Variants in HYOU1 observed in about 807,000 individuals in gnomAD.
HYOU1 encodes hypoxia up-regulated 1.
A neutral mutation model predicts 120.5 loss-of-function variants in HYOU1; 40 were observed. That is an observed-to-expected ratio of 0.33 (90% confidence interval 0.26 to 0.43). HYOU1 has a LOEUF of 0.43. Ranked by LOEUF, HYOU1 falls within the 20% of genes least tolerant of loss-of-function variation. The pLI is 1.00. For synonymous variants in HYOU1, 501 were observed against 479.4 expected (o/e 1.05, Z -0.59); for missense variants, 1,085 against 1,278.3 (o/e 0.85, Z 2.31).
chr11:119,049,582 T>C lies in HYOU1; in HGVS notation c.1780A>G (p.Lys594Glu). 6.2e-7 allele frequency: 1 copy of C among 1,614,124 alleles called. No individual in the cohort carries two copies. Among genetic ancestry groups the C allele is most frequent in the South Asian group, 1.1e-5 (1 of 91,082 alleles). ...TGGACAGTATCAGTACCATTCTCCT[T>C]GGCATCTGGTGTGGTACCGCCTCCA... ...LFGGGTTPDAKENGTDTVQEE... is the reference protein window; with the variant it reads ...LFGGGTTPDAEENGTDTVQEE... The change falls in exon 16 of 26, where the codon AAG (lysine) becomes GAG (glutamate). Residue 594 changes from lysine (K) to glutamate (E), a missense_variant. Physicochemically the swap from Lys to Glu is moderately conservative, Grantham distance 56 (BLOSUM62 1). This residue lies in a region of HYOU1 where 516 missense variants were observed against 517.1 expected (regional missense o/e 1.00). Transcript: ENST00000617285.
At position 119,048,610 on chromosome 11, in the gene HYOU1, A is replaced by C; in HGVS notation, c.2166-47T>G. On this transcript the variant is annotated intron_variant, in intron 18 of 25. Transcript: ENST00000617285. The surrounding 1 kb of genome is among the most constrained non-coding windows in gnomAD (Gnocchi z 4.7). ...GGGATGAGGGAGAGGGCAAGTGAGAACTTGAGACTCTGGGTCCGACAGCCC... is the reference window on the plus strand; with the variant it reads ...GGGATGAGGGAGAGGGCAAGTGAGACCTTGAGACTCTGGGTCCGACAGCCC... 1.9e-6 allele frequency: 3 copies of C among 1,610,534 alleles called. No individual in the cohort carries two copies. The highest frequency in any genetic ancestry group is 2.5e-6 in the Non-Finnish European group (3 of 1,177,690).
chr11:119,045,953 G>A (rs968607001), intron 24 of HYOU1, 122 bp from the exon 25 acceptor site: 12 of 952,870 alleles, frequency 1.3e-5, no homozygotes, highest in African/African-American at 5.0e-5. Flanking sequence ...ACCACATTTG[G>A]TCTCTTTGCC....
At position 119,045,382 on chromosome 11, in the gene HYOU1, G is replaced by T. The variant is rs1366006343; in HGVS notation, c.*211C>A. ...GGGAACAGGGAGTGGGGCTGGGGAG[G>T]AGAACAGTTTCCATTTTTAACCACA... On this transcript the variant is annotated 3_prime_UTR_variant, in exon 26 of 26. Coordinates refer to ENST00000617285, the MANE Select transcript of HYOU1 (RefSeq NM_006389.5). The T allele has an allele frequency of 8.6e-6, 6 of 694,930 alleles. No individual in the cohort carries two copies. The highest frequency in any genetic ancestry group is 1.8e-5 in the African/African-American group (1 of 57,112). The allele number at this position is 694,930 out of a possible 1,614,324, so 43.0% of individuals were successfully genotyped here.
Position 119,050,719 on chromosome 11 carries a change from CCAAAAAAAAAAAAAAAAAAAAAA to C in HYOU1, c.1665+293_1665+315del, listed in dbSNP as rs1273232997. Among the ~76,000 whole-genome samples, 25 of 52,872 alleles carry C rather than the reference CCAAAAAAAAAAAAAAAAAAAAAA, an allele frequency of 4.7e-4. No individual in the cohort carries two copies. In the South Asian group the frequency reaches 9.6e-3, roughly 20 times the overall value. 34.7% of individuals were successfully genotyped at this position (52,872 alleles called of 152,430 possible). Reference sequence around the variant, plus strand: ...TTAAGTAACAGAGCCAAGACCCTCTCCAAAAAAAAAAAAAAAAAAAAAAAAAAAAAAAAAAAAAGAGTGGATTC... The same window carrying C: ...TTAAGTAACAGAGCCAAGACCCTCTCAAAAAAAAAAAAAAAGAGTGGATTC... On this transcript the variant is annotated intron_variant, in intron 14 of 25. Coordinates refer to ENST00000617285, the MANE Select transcript of HYOU1 (RefSeq NM_006389.5).
rs1944426858 is a variant in HYOU1 at position 119,051,377 on chromosome 11, A to C, written c.1526+61T>G. 1 of 1,571,656 alleles carries C rather than the reference A, an allele frequency of 6.4e-7. No homozygotes were observed. Among genetic ancestry groups the C allele is most frequent in the South Asian group, 1.1e-5 (1 of 88,362 alleles). ...ATCCTCCCTCACCCCCAGTCCTCAG[A>C]TTATCCAGCAGCCACGCCTCCCCCT... On this transcript the variant is annotated intron_variant, in intron 13 of 25. Transcript: ENST00000617285. This position sits in a 1 kb window ranked among gnomAD's most constrained non-coding sequence, Gnocchi z 4.2.
Position 119,055,744 on chromosome 11 carries a change from C to T in HYOU1, c.185+6G>A. 1.2e-6 allele frequency: 2 copies of T among 1,612,218 alleles called. No individual in the cohort carries two copies. Among genetic ancestry groups the T allele is most frequent in the East Asian group, 4.5e-5 (2 of 44,884 alleles). On this transcript the variant is annotated splice_donor_region_variant and intron_variant, in intron 3 of 25. Coordinates refer to ENST00000617285, the MANE Select transcript of HYOU1 (RefSeq NM_006389.5). The surrounding 1 kb of genome is among the most constrained non-coding windows in gnomAD (Gnocchi z 4.0). The stretch of plus-strand genomic sequence containing the variant: ...TCCCCACCCTTAACACGGGGGCCAC[C>T]CTCACTTATTCAAGACAATTTCCAT...
At position 119,047,965 on chromosome 11, in the gene HYOU1, T is replaced by C. The variant is rs1403140386; in HGVS notation, c.2492A>G (p.His831Arg). The C allele has an allele frequency of 6.2e-7, 1 of 1,614,042 alleles. No individual in the cohort carries two copies. The highest frequency in any genetic ancestry group is 1.3e-5 in the African/African-American group (1 of 74,908). ...TGCTCACTTGAGGAACATGCTGGAA[T>C]GGTTGAGGAGATTATCGAGGGCAGA... ...RLSALDNLLNHSSMFLKGARL... is the reference protein window; with the variant it reads ...RLSALDNLLNRSSMFLKGARL... The change falls in exon 21 of 26, where the codon CAT (histidine) becomes CGT (arginine). Residue 831 changes from histidine to arginine, a missense_variant. By Grantham distance (29) the His-to-Arg change is conservative (BLOSUM62 0). Coordinates refer to ENST00000617285, the MANE Select transcript of HYOU1 (RefSeq NM_006389.5).
At chr11:119,049,675 A>AC (rs2133574785) in intron 15 of HYOU1, 40 bp from the exon 16 acceptor site, 1 of 1,608,946 alleles carries the variant, frequency 6.2e-7, no homozygotes. Context: ...AGGAGACCAC[A>AC]GCAGTGACTC....
chr11:119,056,167 C>T lies in HYOU1; in HGVS notation c.-7G>A. 1 of 1,611,484 alleles carries T rather than the reference C, an allele frequency of 6.2e-7. No individual in the cohort carries two copies. Among genetic ancestry groups the T allele is most frequent in the South Asian group, 1.1e-5 (1 of 91,036 alleles). On this transcript the variant is annotated splice_region_variant and 5_prime_UTR_variant, in exon 2 of 26. Coordinates refer to ENST00000617285, the MANE Select transcript of HYOU1 (RefSeq NM_006389.5). ...TCCTAACTTTGTCTGCCATAGTGCC[C>T]CTGGGGGAGGCGAAGAAAGAAAACA... is the stretch of plus-strand genomic sequence containing the variant.
chr11:119,054,266 G>A (rs999031653), intron 7 of HYOU1, 30 bp from the exon 8 acceptor site: 2 of 1,561,674 alleles, frequency 1.3e-6, no homozygotes, highest in East Asian at 2.2e-5. Flanking sequence ...ACTGTCACAG[G>A]AACCTTCTCA....
In HYOU1 at chr11:119,044,367, A is replaced by G. The variant is rs1943953154; in HGVS notation, c.*1226T>C. The G allele has an allele frequency of 6.6e-6, 1 of 151,742 alleles. No individual in the cohort carries two copies. The highest frequency in any genetic ancestry group is 2.4e-5 in the African/African-American group (1 of 41,284). The allele number at this position is 151,742 out of a possible 1,614,324, so 9.4% of individuals were successfully genotyped here. ...CCCATCTCTGCCAATGTGGCAAAAA[A>G]AAAAAAAAAAGGAAAAGACAAAATG... On this transcript the variant is annotated 3_prime_UTR_variant, in exon 26 of 26. Coordinates refer to ENST00000617285, the MANE Select transcript of HYOU1 (RefSeq NM_006389.5).
In HYOU1 at chr11:119,052,436, G is replaced by A. The variant is rs2133592908; in HGVS notation, c.988-7C>T. The A allele has an allele frequency of 1.2e-6, 2 of 1,614,174 alleles. No individual in the cohort carries two copies. The highest frequency in any genetic ancestry group is 1.7e-6 in the Non-Finnish European group (2 of 1,180,026). ...CATCCATCAGGCCTTCAATCTGGGA[G>A]AGGATGGGGACTGTCAGGGGGTTCT... On this transcript the variant is annotated splice_region_variant and splice_polypyrimidine_tract_variant and intron_variant, in intron 9 of 25. Coordinates refer to ENST00000617285, the MANE Select transcript of HYOU1 (RefSeq NM_006389.5). This position sits in a 1 kb window ranked among gnomAD's most constrained non-coding sequence, Gnocchi z 5.0.
Position 119,051,518 on chromosome 11 carries a change from G to A in HYOU1, c.1446C>T (p.Ile482=), listed in dbSNP as rs2134694653. ...RMGPYPQRKV[I]TFNRYSHDFN... ...AATCATGGCTGTAGCGGTTAAAGGTGATGACTTTGCGTTGAGGGTAGGGCC... is the reference window on the plus strand; with the variant it reads ...AATCATGGCTGTAGCGGTTAAAGGTAATGACTTTGCGTTGAGGGTAGGGCC... Residue 482 remains isoleucine, a synonymous_variant, in exon 13 of 26, where the codon ATC becomes ATT. Coordinates refer to ENST00000617285, the MANE Select transcript of HYOU1 (RefSeq NM_006389.5). This position sits in a 1 kb window ranked among gnomAD's most constrained non-coding sequence, Gnocchi z 4.2. The A allele has an allele frequency of 1.2e-6, 2 of 1,614,144 alleles. No homozygotes were observed. Among genetic ancestry groups the A allele is most frequent in the Non-Finnish European group, 1.7e-6 (2 of 1,180,014 alleles).
At chr11:119,049,391 C>G in intron 16 of HYOU1, 165 bp downstream of exon 16, 1 of 1,564,966 alleles carries the variant, frequency 6.4e-7, no homozygotes, top group Non-Finnish European at 8.6e-7. Context: ...GGGAATGGGC[C>G]TTGGGAGCAC....
At chr11:119,047,497 A>C in intron 22 of HYOU1, 1 of 486,802 alleles carries the variant, frequency 2.1e-6, no homozygotes, top group Non-Finnish European at 3.7e-6. Flanking sequence ...CAGCCCCTCA[A>C]AGCAGCTTTC....
In HYOU1 at chr11:119,049,167, C is replaced by T. The variant is rs2133570095; in HGVS notation, c.1843G>A (p.Glu615Lys). 5.6e-6 allele frequency: 9 copies of T among 1,609,856 alleles called. No individual in the cohort carries two copies. Among genetic ancestry groups the T allele is most frequent in the African/African-American group, 5.3e-5 (4 of 74,856 alleles). The change falls in exon 17 of 26, where the codon GAG (glutamate) becomes AAG (lysine). Residue 615 changes from glutamate to lysine, a missense_variant. This residue lies in a region of HYOU1 where 516 missense variants were observed against 517.1 expected (regional missense o/e 1.00). Coordinates refer to ENST00000617285, the MANE Select transcript of HYOU1 (RefSeq NM_006389.5). ...TTGAGCTCCACCTGCTCCCCAGGCT[C>T]GTCCTTGCTCCCCTCTGCAGGGCTC... Reference protein sequence around the residue: ...EESPAEGSKDEPGEQVELKEE... With the variant: ...EESPAEGSKDKPGEQVELKEE...
chr11:119,051,000 C>T (rs2133581902), intron 14 of HYOU1, 35 bp downstream of exon 14: 2 of 1,611,244 alleles, frequency 1.2e-6, no homozygotes, highest in South Asian at 1.1e-5. Context: ...GGCCTGAGCC[C>T]CTGCTCTGCA....
At position 119,046,570 on chromosome 11, in the gene HYOU1, G is replaced by A; in HGVS notation, c.2828C>T (p.Pro943Leu). 1.2e-6 allele frequency: 2 copies of A among 1,613,818 alleles called. No homozygotes were observed. Among genetic ancestry groups the A allele is most frequent in the Non-Finnish European group, 1.7e-6 (2 of 1,179,774 alleles). ...SASDQGEKVI[P>L]PAGQTEDAEP... The stretch of plus-strand genomic sequence containing the variant: ...AGGTACCCTGTTCTCACCTGCTGGA[G>A]GGATGACCTTCTCCCCCTGGTCACT... Residue 943 changes from proline (P) to leucine (L), a missense_variant, in exon 23 of 26, where the codon CCT (proline) becomes CTT (leucine). This residue lies in a region of HYOU1 where 516 missense variants were observed against 517.1 expected (regional missense o/e 1.00). Transcript: ENST00000617285.
intron 14 of HYOU1, among the ~76,000 whole-genome samples, chr11:119,050,223 C>T (rs1944341481): frequency 3.3e-5 from 5 of 152,118 alleles, no homozygotes; most frequent in Admixed American, 2.0e-4. Context: ...ACCAGACTGG[C>T]CAACATGGTG....
Sources: allele counts gnomAD v4.1 joint callset (sites outside exome capture counted in the v4.1 genomes callset), GRCh38; gene constraint gnomAD v4.1.1; regional missense constraint gnomAD v4.1.1; non-coding constraint Gnocchi (gnomAD v3.1); transcripts MANE v1.5; gene names NCBI Gene and HGNC (gene_info 2026-07-23, HGNC 2026-07-21).